Variants in B3GALNT2 observed in about 807,000 individuals in gnomAD.
B3GALNT2 encodes the protein UDP-GalNAc:beta-1,3-N-acetylgalactosaminyltransferase 2.
A neutral mutation model predicts 61.1 loss-of-function variants in B3GALNT2; 53 were observed. The ratio of observed to expected loss-of-function variants is 0.87; its 90% CI spans 0.70 to 1.09. B3GALNT2 has a LOEUF of 1.09. Among genes scored for constraint, B3GALNT2 ranks in the 50% least tolerant of loss-of-function variants. The pLI is 0.00. For missense variants in B3GALNT2, 544 were observed against 623.0 expected, an observed-to-expected ratio of 0.87 and a Z score of 1.35; for synonymous variants, 223 against 237.4, an observed-to-expected ratio of 0.94 and a Z score of 0.56.
At chr1:235,442,721 T>C, downstream of B3GALNT2, 1 of 801,178 alleles carries the variant, frequency 1.2e-6, no homozygotes, top group South Asian at 1.6e-5. Flanking sequence ...AGAAAGAATT[T>C]TAAACATTGA....
chr1:235,496,379 T>C (rs1685323470), intron 1 of B3GALNT2: 2 of 907,024 alleles, frequency 2.2e-6, no homozygotes, highest in South Asian at 2.8e-5. Context: ...CAATGAGTCA[T>C]GTACTAAAAC....
chr1:235,455,408 A>G, intron 9 of B3GALNT2, 151 bp downstream of exon 9: 1 of 860,774 alleles, frequency 1.2e-6, no homozygotes, highest in Non-Finnish European at 1.7e-6. Flanking sequence ...AGCATGACTG[A>G]CCTAGAGTAA....
rs768664087 is a variant in B3GALNT2, at chr1:235,454,172, C to G, written c.1295G>C (p.Arg432Thr). 6.2e-7 allele frequency: 1 copy of G among 1,610,524 alleles called. No homozygotes were observed. Among genetic ancestry groups the G allele is most frequent in the South Asian group, 1.1e-5 (1 of 90,474 alleles). ...CTTAATTACCTGATAGGTCTTTAAC[C>G]TCCCCGAGTTGCTTGCCAGCCACTT... Reference protein sequence around the residue: ...IVKWLASNSGRLKTYQGEDVS... With the variant: ...IVKWLASNSGTLKTYQGEDVS... The change falls in exon 10 of 12, where the codon AGG (arginine) becomes ACG (threonine). Residue 432 changes from arginine to threonine, a missense_variant. Transcript: ENST00000366600.
chr1:235,503,449 T>G (rs901528527), intron 1 of B3GALNT2, among the ~76,000 whole-genome samples: 1 of 152,198 alleles, frequency 6.6e-6, no homozygotes, highest in Non-Finnish European at 1.5e-5. Flanking sequence ...CTACGAGAGA[T>G]TAAGTTTTAG....
chr1:235,459,947 C>A (rs1023866618), intron 7 of B3GALNT2, among the ~76,000 whole-genome samples: 1 of 152,024 alleles, frequency 6.6e-6, no homozygotes, highest in African/African-American at 2.4e-5. Context: ...GTGTTAGCTA[C>A]CACGCCCGGC....
chr1:235,442,735 G>A, downstream of B3GALNT2: 1 of 918,572 alleles, frequency 1.1e-6, no homozygotes, highest in Non-Finnish European at 1.7e-6. Context: ...ACATTGATTA[G>A]ACCTGCCAAT....
intron 3 of B3GALNT2, 83 bp from the exon 4 acceptor site, chr1:235,484,598 G>A: frequency 7.0e-7 from 1 of 1,429,634 alleles, no homozygotes; most frequent in South Asian, 1.7e-5. Flanking sequence ...TGGGCTTAAT[G>A]CCAAAACCTA....
intron 7 of B3GALNT2, among the ~76,000 whole-genome samples, chr1:235,463,043 C>T (rs1361059548): frequency 6.6e-6 from 1 of 152,178 alleles, no homozygotes; most frequent in Non-Finnish European, 1.5e-5. Context: ...GAGTACTACT[C>T]AGCCATAAAA....
Position 235,504,313 on chromosome 1 carries a change from A to G in B3GALNT2, c.-61T>C. 4.1e-6 allele frequency: 6 copies of G among 1,456,698 alleles called. No homozygotes were observed. In the East Asian group the frequency reaches 1.5e-4, roughly 36 times the overall value. 90.2% of individuals were successfully genotyped at this position (1,456,698 alleles called of 1,614,324 possible). ...CCCGGCGGAGAGGGAGGGGACCTGC[A>G]AGTGCGGAGACTGAGGGGCGGCGGC... is the stretch of plus-strand genomic sequence containing the variant. On this transcript the variant is annotated 5_prime_UTR_variant, in exon 1 of 12. Transcript: ENST00000366600.
chr1:235,458,770 T>G lies in B3GALNT2; in HGVS notation c.858A>C (p.Leu286Phe). Reference protein sequence around the residue: ...IYTIQEGDALLHNLHSRPQRL... With the variant: ...IYTIQEGDALFHNLHSRPQRL... Reference sequence around the variant, plus strand: ...TTTGAGGGCGAGAATGAAGGTTGTGTAAGAGAGCATCACCTTCTATAAAGG... The same window carrying G: ...TTTGAGGGCGAGAATGAAGGTTGTGGAAGAGAGCATCACCTTCTATAAAGG... The change falls in exon 8 of 12, where the codon TTA becomes TTC. Residue 286 changes from leucine (L) to phenylalanine (F), a missense_variant. Physicochemically the swap from Leu to Phe is conservative, Grantham distance 22. Coordinates refer to ENST00000366600, the MANE Select transcript of B3GALNT2 (RefSeq NM_152490.5). 1 of 1,595,252 alleles carries G rather than the reference T, an allele frequency of 6.3e-7. No individual in the cohort carries two copies. Among genetic ancestry groups the G allele is most frequent in the Non-Finnish European group, 8.5e-7 (1 of 1,173,504 alleles).
chr1:235,470,790 A>G, intron 6 of B3GALNT2, 60 bp downstream of exon 6: 9 of 1,574,794 alleles, frequency 5.7e-6, no homozygotes, highest in Non-Finnish European at 6.9e-6. Context: ...TTTTAGAACA[A>G]TTTTATATAT....
chr1:235,470,884 A>C lies in B3GALNT2; in HGVS notation c.728T>G (p.Val243Gly). 1.2e-6 allele frequency: 2 copies of C among 1,614,058 alleles called. No individual in the cohort carries two copies. The highest frequency in any genetic ancestry group is 1.7e-6 in the Non-Finnish European group (2 of 1,179,990). The change falls in exon 6 of 12, where the codon GTG (valine) becomes GGG (glycine). Residue 243 changes from valine (V) to glycine (G), a missense_variant. Transcript: ENST00000366600. Reference sequence around the variant, plus strand: ...TCTGAGAACTCCCCCTCCATCATTCACTGTCACTTTGTGGAGATTTCTTGA... The same window carrying C: ...TCTGAGAACTCCCCCTCCATCATTCCCTGTCACTTTGTGGAGATTTCTTGA... ...LVSRNLHKVTVNDGGGVLRVI... is the reference protein window; with the variant it reads ...LVSRNLHKVTGNDGGGVLRVI...
At chr1:235,469,450 A>G (rs895743488) in intron 6 of B3GALNT2, among the ~76,000 whole-genome samples, 3 of 152,226 alleles carry the variant, frequency 2.0e-5, no homozygotes, top group African/African-American at 7.2e-5. Flanking sequence ...TCACCTGTCA[A>G]ACTGTTTTAA....
intron 6 of B3GALNT2, among the ~76,000 whole-genome samples, chr1:235,469,895 T>TG (rs1683904454): frequency 6.6e-6 from 1 of 151,796 alleles, no homozygotes; most frequent in Non-Finnish European, 1.5e-5. Flanking sequence ...TAGTAGTTTT[T>TG]TTTGTTTGTT....
intron 6 of B3GALNT2, among the ~76,000 whole-genome samples, chr1:235,470,403 C>A (rs1683931303): frequency 6.6e-6 from 1 of 151,890 alleles, no homozygotes; most frequent in Non-Finnish European, 1.5e-5. Flanking sequence ...CCAGCCTAGG[C>A]AACATGGTGA....
At chr1:235,502,303 G>A (rs1685618659) in intron 1 of B3GALNT2, among the ~76,000 whole-genome samples, 3 of 152,150 alleles carry the variant, frequency 2.0e-5, no homozygotes, top group South Asian at 2.1e-4. Context: ...GTGAGGCACC[G>A]CGCCGGGCCA....
intron 4 of B3GALNT2, among the ~76,000 whole-genome samples, chr1:235,483,375 A>G (rs1420972984): frequency 6.6e-6 from 1 of 152,202 alleles, no homozygotes; most frequent in Non-Finnish European, 1.5e-5. Flanking sequence ...AAATCCCCCA[A>G]ATTTGGTAAA....
intron 4 of B3GALNT2, among the ~76,000 whole-genome samples, chr1:235,483,850 C>G (rs537208281): frequency 1.3e-5 from 2 of 152,174 alleles, no homozygotes; most frequent in African/African-American, 4.8e-5. Flanking sequence ...CCCTACATAT[C>G]GGGAATAGAG....
rs1685754905 is a variant in B3GALNT2 at position 235,504,426 on chromosome 1, C to T, written c.-174G>A. 1.6e-6 allele frequency: 1 copy of T among 644,930 alleles called. No homozygotes were observed. The highest frequency in any genetic ancestry group is 2.3e-6 in the Non-Finnish European group (1 of 430,552). The allele number at this position is 644,930 out of a possible 1,614,324, so 40.0% of individuals were successfully genotyped here. A position where few individuals can be genotyped will look rare whatever the true frequency, so the allele number is the denominator to read the frequency against. On this transcript the variant is annotated 5_prime_UTR_variant, in exon 1 of 12. Coordinates refer to ENST00000366600, the MANE Select transcript of B3GALNT2 (RefSeq NM_152490.5). Reference sequence around the variant, plus strand: ...CAGCTCCCGGCCCCGCTCCTCCGGTCCCTCAGACCGCGGGTGGCCGCGGCT... The same window carrying T: ...CAGCTCCCGGCCCCGCTCCTCCGGTTCCTCAGACCGCGGGTGGCCGCGGCT...
Sources: allele counts gnomAD v4.1 joint callset (sites outside exome capture counted in the v4.1 genomes callset), GRCh38; gene constraint gnomAD v4.1.1; transcripts MANE v1.5; gene names NCBI Gene and HGNC (gene_info 2026-07-23, HGNC 2026-07-21).